EYA2: variants seen among roughly 807,000 people sequenced by gnomAD.
The protein encoded by EYA2 is EYA transcriptional coactivator and phosphatase 2.
A neutral mutation model predicts 69.2 loss-of-function variants in EYA2; 31 were observed. The ratio of observed to expected loss-of-function variants is 0.45; its 90% CI spans 0.34 to 0.60. The LOEUF is 0.60. Among genes scored for constraint, EYA2 ranks in the 20% least tolerant of loss-of-function variants. EYA2 has a pLI of 0.02. For synonymous variants in EYA2, 257 were observed against 279.4 expected (o/e 0.92, Z 0.80); for missense variants, 622 against 701.2 (o/e 0.89, Z 1.28).
At chr20:47,065,992 A>G (rs2031093511) in intron 5 of EYA2, among the ~76,000 whole-genome samples, 1 of 152,226 alleles carries the variant, frequency 6.6e-6, no homozygotes, top group Admixed American at 6.5e-5. Flanking sequence ...TGAATTGTTG[A>G]ATGCCTGAGG....
chr20:47,183,215 C>A, intron 14 of EYA2, 76 bp from the exon 15 acceptor site: 2 of 1,396,060 alleles, frequency 1.4e-6, no homozygotes, highest in Non-Finnish European at 2.0e-6. Flanking sequence ...AGGCACCAAG[C>A]TCTTAATGAG....
intron 12 of EYA2, among the ~76,000 whole-genome samples, chr20:47,178,786 T>G: frequency 2.7e-5 from 2 of 72,796 alleles, no homozygotes; most frequent in African/African-American, 4.9e-5. Flanking sequence ...GGTGGATGGG[T>G]GGATGGGTGG....
At chr20:46,935,784 A>G (rs1568674614) in intron 1 of EYA2, among the ~76,000 whole-genome samples, 1 of 152,098 alleles carries the variant, frequency 6.6e-6, no homozygotes, top group Non-Finnish European at 1.5e-5. Context: ...TGTATTTGTA[A>G]TATTATGTTG....
intron 1 of EYA2, among the ~76,000 whole-genome samples, chr20:46,916,700 G>A (rs1984921332): frequency 6.6e-6 from 1 of 152,106 alleles, no homozygotes; most frequent in Admixed American, 6.5e-5. Context: ...CTTTCTTCTG[G>A]GATATAGTGG....
intron 12 of EYA2, among the ~76,000 whole-genome samples, chr20:47,175,684 C>T (rs2034411995): frequency 6.6e-6 from 1 of 152,172 alleles, no homozygotes; most frequent in South Asian, 2.1e-4. Flanking sequence ...CAGCTTGAAG[C>T]ACACTTCCCA....
intron 9 of EYA2, among the ~76,000 whole-genome samples, chr20:47,137,963 G>A (rs2033514457): frequency 6.6e-6 from 1 of 150,504 alleles, no homozygotes; most frequent in Admixed American, 6.6e-5. Context: ...CACAGGAAGG[G>A]GAACATCACA....
intron 9 of EYA2, among the ~76,000 whole-genome samples, chr20:47,127,398 G>A (rs2033220476): frequency 6.6e-6 from 1 of 152,148 alleles, no homozygotes; most frequent in African/African-American, 2.4e-5. Context: ...GAGGTCAGGA[G>A]TTCGAGACCA....
At chr20:47,130,256 A>C (rs1053062129) in intron 9 of EYA2, among the ~76,000 whole-genome samples, 1 of 69,782 alleles carries the variant, frequency 1.4e-5, no homozygotes, top group Non-Finnish European at 2.8e-5. Flanking sequence ...AAGAAGGTTT[A>C]TTTTCTTTTT....
chr20:46,947,087 A>G (rs1978503734), intron 1 of EYA2, among the ~76,000 whole-genome samples: 1 of 152,152 alleles, frequency 6.6e-6, no homozygotes, highest in South Asian at 2.1e-4. Context: ...AAAGCCTAAA[A>G]TATTTCCCAT....
At chr20:47,102,480 A>T (rs2032452195) in intron 9 of EYA2, among the ~76,000 whole-genome samples, 1 of 152,256 alleles carries the variant, frequency 6.6e-6, no homozygotes, top group Non-Finnish European at 1.5e-5. Context: ...AAGAACCAGC[A>T]GCACTTTGCT....
intron 5 of EYA2, among the ~76,000 whole-genome samples, chr20:47,046,874 T>G (rs944394776): frequency 6.6e-6 from 1 of 152,218 alleles, no homozygotes; most frequent in African/African-American, 2.4e-5. Flanking sequence ...GCACAACTCT[T>G]ACTGCAGACA....
chr20:47,185,326 A>C (rs1317327063), intron 15 of EYA2, among the ~76,000 whole-genome samples: 4 of 93,750 alleles, frequency 4.3e-5, no homozygotes, highest in Non-Finnish European at 6.0e-5. Context: ...TTTGAGACAG[A>C]ATCTCACTGT....
intron 9 of EYA2, among the ~76,000 whole-genome samples, chr20:47,111,984 T>A (rs2032758143): frequency 6.6e-6 from 1 of 151,890 alleles, no homozygotes; most frequent in Non-Finnish European, 1.5e-5. Flanking sequence ...AATTTTTTTT[T>A]CAAAAAATTA....
intron 1 of EYA2, chr20:46,979,514 C>G (rs1318234446): frequency 6.6e-6 from 1 of 152,062 alleles, no homozygotes; most frequent in East Asian, 1.9e-4. Context: ...CTTCCTTTCC[C>G]TTCCCTGCCT....
chr20:47,085,406 G>A (rs190206526), intron 7 of EYA2, among the ~76,000 whole-genome samples: 2 of 152,084 alleles, frequency 1.3e-5, no homozygotes, highest in East Asian at 3.9e-4. Context: ...CCAGCACTTT[G>A]GGAGGCTGAG....
chr20:47,064,964 A>G lies in EYA2; in HGVS notation c.416-7221A>G, dbSNP rs192715423. Reference sequence around the variant, plus strand: ...GGAGGTTTAATTGACTCACAGTTCCACATGGCTGCGGAGGCCTCACAATCA... The same window carrying G: ...GGAGGTTTAATTGACTCACAGTTCCGCATGGCTGCGGAGGCCTCACAATCA... On this transcript the variant is annotated intron_variant, in intron 5 of 15. Transcript: ENST00000327619. Among the ~76,000 whole-genome samples the G allele has an allele frequency of 2.8e-3, 431 of 152,360 alleles. 1 individual carries two copies. Among genetic ancestry groups the G allele is most frequent in the African/African-American group, 9.8e-3 (406 of 41,576 alleles).
chr20:47,154,081 C>A (rs1055153337), intron 10 of EYA2, among the ~76,000 whole-genome samples: 2 of 152,050 alleles, frequency 1.3e-5, no homozygotes, highest in Non-Finnish European at 2.9e-5. Context: ...CAGAAATTTT[C>A]TTTCTCCCAG....
chr20:47,188,670 A>G lies in EYA2; in HGVS notation c.*537A>G. 1 of 290,022 alleles carries G rather than the reference A, an allele frequency of 3.4e-6. No homozygotes were observed. Among genetic ancestry groups the G allele is most frequent in the Non-Finnish European group, 6.4e-6 (1 of 155,736 alleles). The allele number at this position is 290,022 out of a possible 1,614,324, so 18.0% of individuals were successfully genotyped here. A position where few individuals can be genotyped will look rare whatever the true frequency, so the allele number is the denominator to read the frequency against. On this transcript the variant is annotated 3_prime_UTR_variant, in exon 16 of 16. Coordinates refer to ENST00000327619, the MANE Select transcript of EYA2 (RefSeq NM_005244.5). The stretch of plus-strand genomic sequence containing the variant: ...GAACATTAGAGAGGAAGGCAGTTCA[A>G]GCTGTTGAAAAGACTATTGCTTATT...
chr20:47,172,466 A>G (rs377225686), intron 11 of EYA2, among the ~76,000 whole-genome samples: 265 of 152,314 alleles, frequency 1.7e-3, no homozygotes, highest in African/African-American at 6.0e-3. Context: ...ATTAAAAAAT[A>G]AATGAAAGGC....
Sources: gnomAD v4.1 joint callset for allele counts (sites outside exome capture counted in the v4.1 genomes callset) on GRCh38, gnomAD v4.1.1 for gene constraint, MANE v1.5 for transcripts, NCBI Gene and HGNC (gene_info 2026-07-23, HGNC 2026-07-21) for gene names.